The following PKHD1 variants were observed in gnomAD, a reference collection of about 807,000 sequenced individuals.
PKHD1 encodes fibrocystin.
In PKHD1, 291 loss-of-function variants were observed where a neutral mutation model predicts 412.0. The observed-to-expected ratio is 0.71, with a 90% CI of 0.64 to 0.78. The LOEUF is 0.78. Among genes scored for constraint, PKHD1 ranks in the 30% least tolerant of loss-of-function variants. The probability of loss-of-function intolerance (pLI) is 0.00; values close to 1 mark genes in which losing one functional copy is unlikely to be tolerated. For synonymous variants in PKHD1, 1,777 were observed against 1,821.5 expected (o/e 0.98, Z 0.62); for missense variants, 4,825 against 4,950.7 (o/e 0.97, Z 0.76).
intron 14 of PKHD1, among the ~76,000 whole-genome samples, chr6:52,060,608 T>C (rs944540454): frequency 6.6e-6 from 1 of 152,152 alleles, no homozygotes. Context: ...AAAGATAATA[T>C]TTTTAATATT....
intron 22 of PKHD1, among the ~76,000 whole-genome samples, 181 bp downstream of exon 22, chr6:52,049,976 C>G (rs1371735425): frequency 6.6e-6 from 1 of 152,188 alleles, no homozygotes; most frequent in Non-Finnish European, 1.5e-5. Flanking sequence ...GAAACTCTGA[C>G]AGTAGGCCCA....
chr6:51,997,996 A>G (rs961252503), intron 35 of PKHD1, among the ~76,000 whole-genome samples: 5 of 152,266 alleles, frequency 3.3e-5, no homozygotes, highest in African/African-American at 1.2e-4. Flanking sequence ...TGGGTCTGCC[A>G]CAAGGCTGCA....
chr6:51,979,533 G>GTCTT (rs1029545357), intron 35 of PKHD1, among the ~76,000 whole-genome samples: 10 of 151,220 alleles, frequency 6.6e-5, no homozygotes, highest in Middle Eastern at 3.4e-3. Flanking sequence ...TTCTCTCTCT[G>GTCTT]TCTTTCTCCC....
intron 52 of PKHD1, among the ~76,000 whole-genome samples, chr6:51,795,206 C>T (rs756727035): frequency 6.6e-6 from 1 of 152,100 alleles, no homozygotes; most frequent in Non-Finnish European, 1.5e-5. Flanking sequence ...TTTCTTTGAG[C>T]AGTGGTTTGA....
At position 52,025,118 on chromosome 6, in the gene PKHD1, A is replaced by C; in HGVS notation, c.4692T>G (p.Asn1564Lys). ...GCATAATGTAGAAGTGTCTGGAAACATTACCAGAACAAGCATACCCATTTC... is the reference window on the plus strand; with the variant it reads ...GCATAATGTAGAAGTGTCTGGAAACCTTACCAGAACAAGCATACCCATTTC... ...YTRNGYACSG[N>K]VSRHFYIMPQ... is the part of the protein sequence containing the mutation. Residue 1564 changes from asparagine (N) to lysine (K), a missense_variant, in exon 32 of 67, where the codon AAT becomes AAG. By Grantham distance (94) the Asn-to-Lys change is moderately conservative. Transcript: ENST00000371117. The C allele has an allele frequency of 6.2e-7, 1 of 1,614,136 alleles. No individual in the cohort carries two copies. The highest frequency in any genetic ancestry group is 8.5e-7 in the Non-Finnish European group (1 of 1,179,964).
Position 51,618,491 on chromosome 6 carries a change from A to G in PKHD1, c.*590T>C. ...AAATTTGATACGCTCACACTACTGT[A>G]GGTTCTCAATAATGATTGAATTTAA... On this transcript the variant is annotated 3_prime_UTR_variant, in exon 67 of 67. Coordinates refer to ENST00000371117, the MANE Select transcript of PKHD1 (RefSeq NM_138694.4). 6.0e-6 allele frequency: 1 copy of G among 165,388 alleles called. No homozygotes were observed. The highest frequency in any genetic ancestry group is 1.6e-4 in the East Asian group (1 of 6,232). 10.2% of individuals were successfully genotyped at this position (165,388 alleles called of 1,614,324 possible). A position where few individuals can be genotyped will look rare whatever the true frequency, so the allele number is the denominator to read the frequency against.
chr6:51,989,932 GAAAGAAGGAAGGAAGAAAGGAAGGAAAGA>G (rs1796761627), intron 35 of PKHD1, among the ~76,000 whole-genome samples: 22 of 99,406 alleles, frequency 2.2e-4, no homozygotes, highest in East Asian at 1.3e-3. Context: ...AGGAAGGAAG[GAAAGAAGGAAGGAAGAAAGGAAGGAAAGA>G]AGGAAGGAAG....
intron 52 of PKHD1, among the ~76,000 whole-genome samples, chr6:51,822,874 C>G (rs544724813): frequency 6.6e-6 from 1 of 152,202 alleles, no homozygotes; most frequent in Non-Finnish European, 1.5e-5. Flanking sequence ...TTAACCCTAT[C>G]AATTCTGCTT....
Position 51,894,847 on chromosome 6 carries a change from G to A in PKHD1, c.6997-7602C>T, listed in dbSNP as rs533432171. ...GTACAGCTCCATGACTATGGTTATC[G>A]TTATGTTATCATTGGAGGGAGCTAG... On this transcript the variant is annotated intron_variant, in intron 43 of 66. Transcript: ENST00000371117. Among the ~76,000 whole-genome samples the A allele has an allele frequency of 8.5e-4, 130 of 152,292 alleles. 1 individual carries two copies. The highest frequency in any genetic ancestry group is 2.6e-3 in the African/African-American group (110 of 41,548).
chr6:52,062,773 A>AGC, intron 13 of PKHD1, 113 bp from the exon 14 acceptor site: 4 of 1,297,396 alleles, frequency 3.1e-6, no homozygotes, highest in Non-Finnish European at 4.4e-6. Flanking sequence ...CTGTAAAGGT[A>AGC]AGTCAACCTA....
intron 60 of PKHD1, among the ~76,000 whole-genome samples, chr6:51,663,113 T>A (rs1463279772): frequency 6.6e-6 from 1 of 152,076 alleles, no homozygotes; most frequent in Non-Finnish European, 1.5e-5. Flanking sequence ...GAGATCCTGA[T>A]GCACCAATCT....
intron 63 of PKHD1, among the ~76,000 whole-genome samples, chr6:51,644,114 T>A (rs898705333): frequency 1.3e-5 from 2 of 152,076 alleles, no homozygotes; most frequent in African/African-American, 4.8e-5. Context: ...TTAAGAGAAT[T>A]TTTAGAAGGG....
At chr6:51,925,835 T>G (rs917302780) in intron 37 of PKHD1, among the ~76,000 whole-genome samples, 2 of 152,032 alleles carry the variant, frequency 1.3e-5, no homozygotes, top group African/African-American at 4.8e-5. Context: ...TATCTCTCTC[T>G]CTCTCTCAAA....
At chr6:52,077,224 T>A (rs1425392693) in intron 5 of PKHD1, among the ~76,000 whole-genome samples, 3 of 152,068 alleles carry the variant, frequency 2.0e-5, no homozygotes, top group Non-Finnish European at 2.9e-5. Context: ...AACGAGGCAA[T>A]CCCAGGAACT....
rs35495373 is a variant in PKHD1 at position 51,967,654 on chromosome 6, ATGTG to A, written c.5752-7632_5752-7629del. 4.5e-3 allele frequency among the ~76,000 whole-genome samples: 662 copies of A among 147,172 alleles called. 6 individuals are homozygous for A. Among genetic ancestry groups the A allele is most frequent in the African/African-American group, 0.015 (571 of 38,440 alleles). On this transcript the variant is annotated intron_variant, in intron 35 of 66. Transcript: ENST00000371117. ...TGTGGGAAGTTGTGTGTGTGTGTGT[ATGTG>A]TGTGTGTGTGTGTGTGTGTATGCCA...
chr6:51,671,366 A>T (rs1336100535), intron 60 of PKHD1, among the ~76,000 whole-genome samples: 1 of 152,120 alleles, frequency 6.6e-6, no homozygotes, highest in Non-Finnish European at 1.5e-5. Context: ...CGCATTCTTC[A>T]CGTAGTTCTC....
chr6:51,885,579 CT>C (rs1383945848), intron 45 of PKHD1, among the ~76,000 whole-genome samples: 1 of 152,260 alleles, frequency 6.6e-6, no homozygotes, highest in East Asian at 1.9e-4. Flanking sequence ...GTGATCTCCC[CT>C]GATTATAAAT....
chr6:51,892,912 A>G (rs1437053369), intron 43 of PKHD1, among the ~76,000 whole-genome samples: 2 of 152,246 alleles, frequency 1.3e-5, no homozygotes, highest in African/African-American at 4.8e-5. Flanking sequence ...GTATCTCTTC[A>G]GCCCTTGTAA....
At chr6:51,670,643 C>T (rs9349589) in intron 60 of PKHD1, among the ~76,000 whole-genome samples, 75,526 of 151,532 alleles carry the variant, frequency 0.5, 21,564 homozygotes, top group Non-Finnish European at 0.65. Flanking sequence ...TTCCTAGTCT[C>T]GATGGTCTTT....
Sources: allele counts gnomAD v4.1 joint callset (sites outside exome capture counted in the v4.1 genomes callset), GRCh38; gene constraint gnomAD v4.1.1; transcripts MANE v1.5; gene names NCBI Gene and HGNC (gene_info 2026-07-23, HGNC 2026-07-21).